MED27: variants seen among roughly 807,000 people sequenced by gnomAD.
The protein encoded by MED27 is mediator of RNA polymerase II transcription subunit 27.
A neutral mutation model predicts 38.2 loss-of-function variants in MED27; 30 were observed. The observed-to-expected ratio is 0.79, with a 90% CI of 0.59 to 1.07. MED27 has a LOEUF of 1.07. Among genes scored for constraint, MED27 ranks in the 50% least tolerant of loss-of-function variants. The pLI is 0.00. For synonymous variants in MED27, 122 were observed against 153.5 expected (o/e 0.79, Z 1.52); for missense variants, 289 against 397.5 (o/e 0.73, Z 2.32).
At chr9:131,863,725 C>T (rs1181744022) in intron 6 of MED27, among the ~76,000 whole-genome samples, 1 of 152,130 alleles carries the variant, frequency 6.6e-6, no homozygotes, top group Non-Finnish European at 1.5e-5. Flanking sequence ...TGGGCCTCAC[C>T]GTTGCTAGGA....
At chr9:131,935,179 A>G (rs1384039940) in intron 4 of MED27, among the ~76,000 whole-genome samples, 2 of 152,352 alleles carry the variant, frequency 1.3e-5, no homozygotes, top group African/African-American at 2.4e-5. Flanking sequence ...GGTGACTACA[A>G]TCAATAACAA....
intron 3 of MED27, among the ~76,000 whole-genome samples, chr9:131,975,981 C>T (rs1831596925): frequency 6.6e-6 from 1 of 152,198 alleles, no homozygotes; most frequent in East Asian, 1.9e-4. Flanking sequence ...AGGACATACT[C>T]ATTCCCTTTC....
intron 4 of MED27, among the ~76,000 whole-genome samples, chr9:131,933,562 GAAAACTCTCATAATGAAAACTAT>G (rs901986740): frequency 9.9e-5 from 15 of 151,874 alleles, no homozygotes; most frequent in African/African-American, 3.1e-4. Flanking sequence ...GAGAAATAAT[GAAAACTCTCATAATGAAAACTAT>G]AAAACTCTCA....
chr9:131,977,512 C>G (rs529776846), intron 3 of MED27, among the ~76,000 whole-genome samples: 41 of 152,206 alleles, frequency 2.7e-4, no homozygotes, highest in African/African-American at 9.4e-4. Context: ...GCCCTTGTTC[C>G]CAGTCAACTC....
At chr9:132,065,891 T>C (rs1457371587) in intron 2 of MED27, among the ~76,000 whole-genome samples, 2 of 152,220 alleles carry the variant, frequency 1.3e-5, no homozygotes, top group African/African-American at 4.8e-5. Flanking sequence ...GACATTCCCT[T>C]TTATAGCTGC....
chr9:131,967,236 T>C (rs567727795), intron 3 of MED27, among the ~76,000 whole-genome samples: 1 of 152,356 alleles, frequency 6.6e-6, no homozygotes, highest in South Asian at 2.1e-4. Context: ...TTTGTGGGTG[T>C]TAATTCAAAA....
At chr9:131,953,869 T>C (rs1250953921) in intron 3 of MED27, among the ~76,000 whole-genome samples, 1 of 149,782 alleles carries the variant, frequency 6.7e-6, no homozygotes, top group Non-Finnish European at 1.5e-5. Flanking sequence ...CAGGCTGGAG[T>C]GCCAGTGGCA....
chr9:132,004,853 C>T (rs913693208), intron 3 of MED27, among the ~76,000 whole-genome samples: 1 of 152,156 alleles, frequency 6.6e-6, no homozygotes, highest in African/African-American at 2.4e-5. Context: ...AGGAACGAGC[C>T]TTCAGGACTC....
At chr9:131,905,773 T>C (rs1830050961) in intron 4 of MED27, among the ~76,000 whole-genome samples, 1 of 148,540 alleles carries the variant, frequency 6.7e-6, no homozygotes, top group Admixed American at 6.7e-5. Flanking sequence ...ACCTGCCTCC[T>C]TCCAGAATTT....
intron 2 of MED27, among the ~76,000 whole-genome samples, chr9:132,035,218 C>A (rs1208641420): frequency 1.3e-5 from 2 of 152,196 alleles, no homozygotes; most frequent in Non-Finnish European, 2.9e-5. Flanking sequence ...GAGCCCAATA[C>A]CTGCAGGTTG....
intron 2 of MED27, among the ~76,000 whole-genome samples, chr9:132,050,898 C>T (rs1330697088): frequency 6.6e-6 from 1 of 152,252 alleles, no homozygotes; most frequent in Non-Finnish European, 1.5e-5. Context: ...TTTTTCATTA[C>T]TACATTGTCA....
At chr9:132,034,810 C>T (rs1302700871) in intron 2 of MED27, among the ~76,000 whole-genome samples, 1 of 152,184 alleles carries the variant, frequency 6.6e-6, no homozygotes, top group Non-Finnish European at 1.5e-5. Flanking sequence ...GGGGATGTGA[C>T]ATGTAGGTCT....
At chr9:132,044,183 C>T (rs1377822626) in intron 2 of MED27, among the ~76,000 whole-genome samples, 1 of 152,106 alleles carries the variant, frequency 6.6e-6, no homozygotes, top group Non-Finnish European at 1.5e-5. Flanking sequence ...AGTTTGGGGG[C>T]AGACACAAGC....
intron 2 of MED27, among the ~76,000 whole-genome samples, chr9:132,025,502 T>A (rs1237876980): frequency 6.6e-6 from 1 of 152,178 alleles, no homozygotes; most frequent in Non-Finnish European, 1.5e-5. Flanking sequence ...TTTCTACTGA[T>A]CAACAAGAGC....
intron 3 of MED27, among the ~76,000 whole-genome samples, chr9:132,008,282 T>C (rs11243595): frequency 0.019 from 2,924 of 152,344 alleles, 88 homozygotes; most frequent in African/African-American, 0.067. Flanking sequence ...ATATAACTCA[T>C]AGATCAATTA....
intron 5 of MED27, among the ~76,000 whole-genome samples, chr9:131,888,518 C>A (rs1205277149): frequency 6.6e-6 from 1 of 152,220 alleles, no homozygotes; most frequent in Non-Finnish European, 1.5e-5. Flanking sequence ...ACAACCACTG[C>A]CACTAAAATT....
At chr9:132,029,650 G>A (rs1395022450) in intron 2 of MED27, among the ~76,000 whole-genome samples, 1 of 152,138 alleles carries the variant, frequency 6.6e-6, no homozygotes, top group Admixed American at 6.5e-5. Context: ...AATAAGAAGG[G>A]CCTCGGTGAA....
chr9:132,002,682 C>G (rs935410998), intron 3 of MED27, among the ~76,000 whole-genome samples: 1 of 152,168 alleles, frequency 6.6e-6, no homozygotes, highest in Non-Finnish European at 1.5e-5. Flanking sequence ...GAGGCTGAGG[C>G]AAGCGGATCA....
intron 3 of MED27, among the ~76,000 whole-genome samples, chr9:132,011,790 G>A (rs939825070): frequency 6.6e-6 from 1 of 152,202 alleles, no homozygotes; most frequent in Admixed American, 6.5e-5. Flanking sequence ...GCTCAATGAT[G>A]TGAAAAGGCA....
Sources: gnomAD v4.1 joint callset for allele counts (sites outside exome capture counted in the v4.1 genomes callset) on GRCh38, gnomAD v4.1.1 for gene constraint, MANE v1.5 for transcripts, NCBI Gene and HGNC (gene_info 2026-07-23, HGNC 2026-07-21) for gene names.